NMT1: variants seen among roughly 807,000 people sequenced by gnomAD.
NMT1 encodes glycylpeptide N-tetradecanoyltransferase 1.
A neutral mutation model predicts 63.4 loss-of-function variants in NMT1; 12 were observed. The observed-to-expected ratio is 0.19, with a 90% confidence interval of 0.12 to 0.31. The LOEUF is 0.31. NMT1 is among the 10% of genes least tolerant of loss of function. NMT1 has a pLI of 1.00. For missense variants in NMT1, 432 were observed against 634.6 expected, an observed-to-expected ratio of 0.68 and a Z score of 3.43; for synonymous variants, 228 against 234.3, an observed-to-expected ratio of 0.97 and a Z score of 0.25.
At chr17:45,099,553 G>A (rs775617587) in intron 8 of NMT1, 40 bp downstream of exon 8, 1 of 1,432,716 alleles carries the variant, frequency 7.0e-7, no homozygotes, top group Non-Finnish European at 9.9e-7. Flanking sequence ...GGCAGAGAGA[G>A]GGCAAGGAGA....
At position 45,086,373 on chromosome 17, in the gene NMT1, C is replaced by T. The variant is rs59068662; in HGVS notation, c.241-135C>T. The stretch of plus-strand genomic sequence containing the variant: ...CTCCTAACCTCAAGTGATCTGCCCG[C>T]CTTGGCCTCCCAAAATGTTGGGATT... On this transcript the variant is annotated intron_variant, in intron 2 of 11. Transcript: ENST00000258960. 2.7e-5 allele frequency: 23 copies of T among 841,370 alleles called. No homozygotes were observed. In the African/African-American group the frequency reaches 3.9e-4, roughly 14 times the overall value. 52.1% of individuals were successfully genotyped at this position (841,370 alleles called of 1,614,324 possible).
At chr17:45,070,931 T>C (rs556418562) in intron 1 of NMT1, among the ~76,000 whole-genome samples, 2 of 152,270 alleles carry the variant, frequency 1.3e-5, no homozygotes, top group South Asian at 4.1e-4. Context: ...TTGATATAAC[T>C]AATTGGTGGG....
intron 1 of NMT1, among the ~76,000 whole-genome samples, chr17:45,065,674 A>G (rs897227189): frequency 7.3e-5 from 11 of 151,456 alleles, no homozygotes; most frequent in African/African-American, 2.2e-4. Flanking sequence ...GGAAGCTCCA[A>G]TTTGCTGTGG....
chr17:45,089,559 C>A (rs1458583642), intron 3 of NMT1, among the ~76,000 whole-genome samples: 2 of 152,154 alleles, frequency 1.3e-5, no homozygotes, highest in Non-Finnish European at 2.9e-5. Context: ...CCAGGCTGGT[C>A]TTGAACTCCT....
rs117105863 is a variant in NMT1, at chr17:45,106,294, G to A, written c.*655G>A. The A allele has an allele frequency of 0.016, 2,418 of 152,718 alleles. 54 individuals carry two copies. Among genetic ancestry groups the A allele is most frequent in the South Asian group, 0.07 (339 of 4,826 alleles). 9.5% of individuals were successfully genotyped at this position (152,718 alleles called of 1,614,324 possible). On this transcript the variant is annotated 3_prime_UTR_variant, in exon 12 of 12. Coordinates refer to ENST00000258960, the MANE Select transcript of NMT1 (RefSeq NM_021079.5). ...CTTGGCTGGGGCTGACCCTGGGCAGGGACTTTCCTGCAGGGCCAGACCTGC... is the reference window on the plus strand; with the variant it reads ...CTTGGCTGGGGCTGACCCTGGGCAGAGACTTTCCTGCAGGGCCAGACCTGC...
intron 1 of NMT1, among the ~76,000 whole-genome samples, chr17:45,080,512 A>G (rs1172111048): frequency 8.3e-6 from 1 of 120,412 alleles, no homozygotes; most frequent in Non-Finnish European, 1.6e-5. Flanking sequence ...TTTGTCACCC[A>G]GGCTGAAATG....
At chr17:45,087,903 C>T (rs1324413906) in intron 3 of NMT1, among the ~76,000 whole-genome samples, 2 of 152,174 alleles carry the variant, frequency 1.3e-5, no homozygotes, top group Non-Finnish European at 2.9e-5. Flanking sequence ...ATGAGGCCTG[C>T]AGACCTGCAG....
chr17:45,108,414 C>G lies in NMT1; in HGVS notation c.*2775C>G, dbSNP rs1027651561. 1 of 152,488 alleles carries G rather than the reference C, an allele frequency of 6.6e-6. No individual in the cohort carries two copies. Among genetic ancestry groups the G allele is most frequent in the Non-Finnish European group, 1.5e-5 (1 of 68,064 alleles). 9.4% of individuals were successfully genotyped at this position (152,488 alleles called of 1,614,324 possible). A position where few individuals can be genotyped will look rare whatever the true frequency, so the allele number is the denominator to read the frequency against. On this transcript the variant is annotated 3_prime_UTR_variant, in exon 12 of 12. Transcript: ENST00000258960. ...AGCCCACACCCAGCTACTTTAACAC[C>G]AGGTTTATGGAAAATGTCAGGCCTT...
At chr17:45,063,590 T>A (rs2053882214) in intron 1 of NMT1, among the ~76,000 whole-genome samples, 1 of 152,184 alleles carries the variant, frequency 6.6e-6, no homozygotes, top group Admixed American at 6.6e-5. Flanking sequence ...TTTTCAAAAC[T>A]GTGTGCCAGA....
Position 45,105,966 on chromosome 17 carries a change from T to C in NMT1, c.*327T>C. The C allele has an allele frequency of 6.7e-6, 1 of 149,816 alleles. No individual in the cohort carries two copies. The highest frequency in any genetic ancestry group is 3.5e-3 in the Middle Eastern group (1 of 284). 9.3% of individuals were successfully genotyped at this position (149,816 alleles called of 1,614,324 possible). A position where few individuals can be genotyped will look rare whatever the true frequency, so the allele number is the denominator to read the frequency against. On this transcript the variant is annotated 3_prime_UTR_variant, in exon 12 of 12. Transcript: ENST00000258960. The surrounding 1 kb of genome is among the most constrained non-coding windows in gnomAD (Gnocchi z 4.2). Reference sequence around the variant, plus strand: ...AACGGGTGAATAATAAAAGTATATATATATATTATATATATATAAATATTT... The same window carrying C: ...AACGGGTGAATAATAAAAGTATATACATATATTATATATATATAAATATTT...
intron 1 of NMT1, among the ~76,000 whole-genome samples, chr17:45,070,484 C>T (rs1025643014): frequency 2.6e-5 from 4 of 152,316 alleles, no homozygotes; most frequent in Admixed American, 2.0e-4. Context: ...GTGGCGCGGT[C>T]TTGGCTCACT....
chr17:45,083,090 G>C (rs1449919274), intron 2 of NMT1, among the ~76,000 whole-genome samples: 1 of 151,972 alleles, frequency 6.6e-6, no homozygotes, highest in East Asian at 1.9e-4. Context: ...GCCAAGGCGG[G>C]TGGATCACGA....
intron 8 of NMT1, chr17:45,099,902 T>A (rs2054150018): frequency 6.0e-6 from 1 of 167,726 alleles, no homozygotes; most frequent in Admixed American, 5.9e-5. Context: ...GACGCCCCTC[T>A]GCCGGGTCAG....
At chr17:45,072,830 ATT>A (rs1567862539) in intron 1 of NMT1, among the ~76,000 whole-genome samples, 1 of 151,830 alleles carries the variant, frequency 6.6e-6, no homozygotes, top group African/African-American at 2.4e-5. Flanking sequence ...AAGTGCTGGG[ATT>A]ACAGGCGTGA....
intron 1 of NMT1, among the ~76,000 whole-genome samples, chr17:45,070,360 C>G (rs1305146648): frequency 4.6e-5 from 7 of 152,094 alleles, no homozygotes; most frequent in African/African-American, 1.4e-4. Flanking sequence ...AAACTATTCT[C>G]TTGCCTCAGC....
rs371122860 is a variant in NMT1 at position 45,098,494 on chromosome 17, A to G, written c.826A>G (p.Ile276Val). 2.3e-5 allele frequency: 37 copies of G among 1,614,114 alleles called. No homozygotes were observed. Among genetic ancestry groups the G allele is most frequent in the Non-Finnish European group, 2.0e-5 (24 of 1,180,046 alleles). ...EITRRVHLEG[I>V]FQAVYTAGVV... Reference sequence around the variant, plus strand: ...CACCAGGCGGGTTCACCTGGAGGGCATCTTCCAAGCAGTTTACACTGCCGG... The same window carrying G: ...CACCAGGCGGGTTCACCTGGAGGGCGTCTTCCAAGCAGTTTACACTGCCGG... Residue 276 changes from isoleucine (I) to valine (V), a missense_variant, in exon 7 of 12, where the codon ATC (isoleucine) becomes GTC (valine). Transcript: ENST00000258960.
At chr17:45,065,623 C>CG (rs2053897427) in intron 1 of NMT1, among the ~76,000 whole-genome samples, 1 of 81,734 alleles carries the variant, frequency 1.2e-5, no homozygotes, top group Admixed American at 1.4e-4. Flanking sequence ...GACTCTGTCT[C>CG]AAAAAAAAAA....
At chr17:45,071,593 A>G (rs1402687299) in intron 1 of NMT1, 1 of 152,236 alleles carries the variant, frequency 6.6e-6, no homozygotes, top group East Asian at 1.9e-4. Flanking sequence ...AGCTACAGTG[A>G]AAAAGAAAAG....
intron 3 of NMT1, among the ~76,000 whole-genome samples, chr17:45,091,534 T>C (rs900788707): frequency 1.3e-5 from 2 of 152,050 alleles, no homozygotes. Flanking sequence ...ATGGAAATAA[T>C]TCAGGGGGAA....
Sources: gnomAD v4.1 joint callset for allele counts (sites outside exome capture counted in the v4.1 genomes callset) on GRCh38, gnomAD v4.1.1 for gene constraint, Gnocchi (gnomAD v3.1) non-coding constraint, MANE v1.5 for transcripts, NCBI Gene and HGNC (gene_info 2026-07-23, HGNC 2026-07-21) for gene names.